Variants in KCND2 observed in about 807,000 individuals in gnomAD.
The protein encoded by KCND2 is potassium voltage-gated channel subfamily D member 2.
KCND2 carries 16 observed loss-of-function variants against 54.4 expected under a neutral mutation model. The ratio of observed to expected loss-of-function variants is 0.29; its 90% CI spans 0.20 to 0.45. The LOEUF (loss-of-function observed/expected upper bound fraction) is 0.45, where lower values mean the gene tolerates loss of function less well. KCND2 is among the 20% of genes least tolerant of loss of function. KCND2 has a pLI of 1.00. For missense variants in KCND2, 486 were observed against 824.2 expected (o/e 0.59, Z 5.02); for synonymous variants, 317 against 310.7 (o/e 1.02, Z -0.21).
chr7:120,389,639 T>G (rs1801043508), intron 1 of KCND2, among the ~76,000 whole-genome samples: 1 of 151,918 alleles, frequency 6.6e-6, no homozygotes, highest in Admixed American at 6.6e-5. Flanking sequence ...ATATAATCAT[T>G]TACATTAACT....
intron 2 of KCND2, among the ~76,000 whole-genome samples, chr7:120,739,161 A>C (rs1792909846): frequency 1.3e-5 from 2 of 151,974 alleles, no homozygotes; most frequent in African/African-American, 4.8e-5. Context: ...TTTTTGGTTA[A>C]TGTATATGTT....
chr7:120,385,682 A>G (rs1307585669), intron 1 of KCND2, among the ~76,000 whole-genome samples: 3 of 152,170 alleles, frequency 2.0e-5, no homozygotes, highest in South Asian at 4.1e-4. Context: ...TCATTTGCAG[A>G]CTCATTAATG....
chr7:120,464,778 C>T lies in KCND2; in HGVS notation c.1115+189031C>T, dbSNP rs75008308. On this transcript the variant is annotated intron_variant, in intron 1 of 5. Transcript: ENST00000331113. ...CTTGCGGCCAAGGGGGCACTTTCTGCTCCTGGAAGCCACCTGCCTTCTTTC... is the reference window on the plus strand; with the variant it reads ...CTTGCGGCCAAGGGGGCACTTTCTGTTCCTGGAAGCCACCTGCCTTCTTTC... Among the ~76,000 whole-genome samples the T allele has an allele frequency of 2.6e-5, 4 of 152,228 alleles. No individual in the cohort carries two copies. In the East Asian group the frequency reaches 7.7e-4, roughly 29 times the overall value.
At chr7:120,401,589 A>T (rs1210609591) in intron 1 of KCND2, among the ~76,000 whole-genome samples, 1 of 152,118 alleles carries the variant, frequency 6.6e-6, no homozygotes, top group Admixed American at 6.6e-5. Flanking sequence ...TGTGGCTTTC[A>T]AAAGCTTTGA....
At chr7:120,437,519 A>G (rs1346493208) in intron 1 of KCND2, among the ~76,000 whole-genome samples, 1 of 151,358 alleles carries the variant, frequency 6.6e-6, no homozygotes, top group Non-Finnish European at 1.5e-5. Context: ...AGAACATTCT[A>G]ACTGCTGTCT....
At chr7:120,350,357 C>T (rs920482257) in intron 1 of KCND2, among the ~76,000 whole-genome samples, 3 of 152,106 alleles carry the variant, frequency 2.0e-5, no homozygotes, top group African/African-American at 4.8e-5. Context: ...AATTTTCCTA[C>T]ATTTCTTATG....
At chr7:120,718,093 A>G (rs1792624700) in intron 1 of KCND2, among the ~76,000 whole-genome samples, 1 of 152,104 alleles carries the variant, frequency 6.6e-6, no homozygotes, top group Admixed American at 6.6e-5. Flanking sequence ...GGAGAGAGGC[A>G]GTGATAGGAA....
intron 1 of KCND2, among the ~76,000 whole-genome samples, chr7:120,587,735 C>T (rs181549981): frequency 6.6e-6 from 1 of 152,254 alleles, no homozygotes; most frequent in East Asian, 1.9e-4. Flanking sequence ...TTTCATAAAG[C>T]ATTACACTGC....
chr7:120,576,161 A>T (rs80152409), intron 1 of KCND2, among the ~76,000 whole-genome samples: 8,674 of 152,276 alleles, frequency 0.057, 262 homozygotes, highest in African/African-American at 0.073. Context: ...GTTAGATTTT[A>T]TGCATGCACA....
At chr7:120,607,388 T>A (rs1023071110) in intron 1 of KCND2, among the ~76,000 whole-genome samples, 1 of 152,168 alleles carries the variant, frequency 6.6e-6, no homozygotes, top group Non-Finnish European at 1.5e-5. Context: ...ATATTAAATA[T>A]TCATGGACAT....
intron 4 of KCND2, among the ~76,000 whole-genome samples, chr7:120,742,989 G>GAATAGC (rs568188089): frequency 6.2e-4 from 94 of 152,132 alleles, no homozygotes; most frequent in Non-Finnish European, 1.3e-3. Flanking sequence ...TAGATCAAGA[G>GAATAGC]AATAGCAATA....
chr7:120,529,234 G>A (rs1319877869), intron 1 of KCND2, among the ~76,000 whole-genome samples: 3 of 152,276 alleles, frequency 2.0e-5, no homozygotes, highest in African/African-American at 4.8e-5. Flanking sequence ...TTTGAGATTA[G>A]ATAGAATTGA....
chr7:120,687,935 A>G (rs1280109603), intron 1 of KCND2, among the ~76,000 whole-genome samples: 1 of 152,158 alleles, frequency 6.6e-6, no homozygotes, highest in Non-Finnish European at 1.5e-5. Context: ...TTGATTGCAT[A>G]ATAAGGGTAG....
chr7:120,708,377 G>A (rs986165305), intron 1 of KCND2, among the ~76,000 whole-genome samples: 3 of 152,082 alleles, frequency 2.0e-5, no homozygotes, highest in Non-Finnish European at 2.9e-5. Flanking sequence ...ATTGTATTAT[G>A]TACAAATAGG....
chr7:120,598,474 A>T (rs1465586092), intron 1 of KCND2, among the ~76,000 whole-genome samples: 1 of 144,988 alleles, frequency 6.9e-6, no homozygotes, highest in Non-Finnish European at 1.5e-5. Flanking sequence ...CTATTTTCCC[A>T]TGGCTTCCAT....
At position 120,532,919 on chromosome 7, in the gene KCND2, A is replaced by G. The variant is rs566814953; in HGVS notation, c.1116-199984A>G. ...TGTCTTATTATATTAAAAAGAATAA[A>G]TGCATATGTAAACACACATACTCCC... On this transcript the variant is annotated intron_variant, in intron 1 of 5. Transcript: ENST00000331113. Among the ~76,000 whole-genome samples, 14 of 152,192 alleles carry G rather than the reference A, an allele frequency of 9.2e-5. No homozygotes were observed. In the South Asian group the frequency reaches 2.7e-3, roughly 29 times the overall value.
intron 1 of KCND2, among the ~76,000 whole-genome samples, chr7:120,356,906 G>C (rs531329368): frequency 6.6e-6 from 1 of 152,158 alleles, no homozygotes; most frequent in Admixed American, 6.6e-5. Flanking sequence ...CGTTACTGGG[G>C]TTGCGGGAGT....
At chr7:120,707,322 G>C (rs939272018) in intron 1 of KCND2, among the ~76,000 whole-genome samples, 1 of 152,066 alleles carries the variant, frequency 6.6e-6, no homozygotes, top group African/African-American at 2.4e-5. Context: ...GGTGCAGGGA[G>C]GGTGGTAAGT....
intron 1 of KCND2, among the ~76,000 whole-genome samples, chr7:120,586,923 G>A (rs979217812): frequency 2.0e-5 from 3 of 151,978 alleles, no homozygotes; most frequent in Non-Finnish European, 2.9e-5. Flanking sequence ...AGCCCCCAAA[G>A]TAACGAATAC....
Sources: allele counts gnomAD v4.1 joint callset (sites outside exome capture counted in the v4.1 genomes callset), GRCh38; gene constraint gnomAD v4.1.1; transcripts MANE v1.5; gene names NCBI Gene and HGNC (gene_info 2026-07-23, HGNC 2026-07-21).